C16orf86: variants seen among roughly 807,000 people sequenced by gnomAD.
C16orf86 encodes the protein chromosome 16 open reading frame 86.
Under a neutral mutation model 21.5 loss-of-function variants are expected in C16orf86, and 19 were observed. That is an observed-to-expected ratio of 0.88 (90% CI 0.62 to 1.30). The LOEUF is 1.30. Ranked by LOEUF, C16orf86 falls within the 50% of genes most tolerant of loss-of-function variation. The pLI, the probability that C16orf86 is intolerant of heterozygous loss-of-function variation, is 0.00. For missense variants in C16orf86, 391 were observed against 415.8 expected (o/e 0.94, Z 0.52); for synonymous variants, 188 against 183.5 (o/e 1.02, Z -0.20).
intron 1 of C16orf86, 60 bp downstream of exon 1, chr16:67,667,132 T>G: frequency 6.9e-7 from 1 of 1,444,626 alleles, no homozygotes; most frequent in Non-Finnish European, 9.3e-7. Context: ...GAGGTGGAAC[T>G]GAGCGCCCCG....
Position 67,668,617 on chromosome 16 carries a change from G to C in C16orf86, c.*17G>C. The C allele has an allele frequency of 6.2e-7, 1 of 1,611,858 alleles. No individual in the cohort carries two copies. Among genetic ancestry groups the C allele is most frequent in the Non-Finnish European group, 8.5e-7 (1 of 1,178,806 alleles). The stretch of plus-strand genomic sequence containing the variant: ...TACAAGTGACTGTCCCGCCCCACTG[G>C]TGGCTCCCCTCCTTCCACGCCTGAA... On this transcript the variant is annotated 3_prime_UTR_variant, in exon 4 of 4. Coordinates refer to ENST00000403458, the MANE Select transcript of C16orf86 (RefSeq NM_001012984.3).
chr16:67,668,150 C>A, intron 3 of C16orf86, 50 bp from the exon 4 acceptor site: 2 of 1,592,840 alleles, frequency 1.3e-6, no homozygotes, highest in African/African-American at 1.3e-5. Context: ...TGGGGCCCGA[C>A]ATGGCACAAC....
At position 67,667,046 on chromosome 16, in the gene C16orf86, G is replaced by T; in HGVS notation, c.76G>T (p.Glu26Ter). Residue 26 changes from glutamate (E) to a stop codon, truncating the protein, a stop_gained, in exon 1 of 4, where the codon GAG becomes TAG. Coordinates refer to ENST00000403458, the MANE Select transcript of C16orf86 (RefSeq NM_001012984.3). LOFTEE classifies it high-confidence loss of function. Reference protein sequence around the residue: ...TVVGQGQLTEEPGSAQTSECP... With the variant: ...TVVGQGQLTE ...CGTGGGGCAGGGACAGCTCACGGAG[G>T]AGCCCGGCAGCGCTCAGACCTCCGA... The T allele has an allele frequency of 6.9e-7, 1 of 1,453,372 alleles. No individual in the cohort carries two copies. The highest frequency in any genetic ancestry group is 2.5e-5 in the East Asian group (1 of 40,608). The allele number at this position is 1,453,372 out of a possible 1,614,324, so 90.0% of individuals were successfully genotyped here. A position where few individuals can be genotyped will look rare whatever the true frequency, so the allele number is the denominator to read the frequency against.
rs758726932 is a variant in C16orf86, at chr16:67,668,618, T to A, written c.*18T>A. 4 of 1,611,782 alleles carry A rather than the reference T, an allele frequency of 2.5e-6. No homozygotes were observed. Among genetic ancestry groups the A allele is most frequent in the Non-Finnish European group, 2.5e-6 (3 of 1,178,744 alleles). On this transcript the variant is annotated 3_prime_UTR_variant, in exon 4 of 4. Transcript: ENST00000403458. ...ACAAGTGACTGTCCCGCCCCACTGG[T>A]GGCTCCCCTCCTTCCACGCCTGAAT... is the stretch of plus-strand genomic sequence containing the variant.
chr16:67,668,673 C>A lies in C16orf86; in HGVS notation c.*73C>A. On this transcript the variant is annotated 3_prime_UTR_variant, in exon 4 of 4. Transcript: ENST00000403458. ...CTTCAGGCTTCCTGTGGGCCTAGGC[C>A]CTCTGGTGGCGGGGGCAAATTTGGC... 6.9e-7 allele frequency: 1 copy of A among 1,447,260 alleles called. No individual in the cohort carries two copies. The highest frequency in any genetic ancestry group is 2.3e-5 in the East Asian group (1 of 42,970). The allele number at this position is 1,447,260 out of a possible 1,614,324, so 89.7% of individuals were successfully genotyped here.
intron 1 of C16orf86, 39 bp from the exon 2 acceptor site, chr16:67,667,257 C>T (rs1263385247): frequency 1.3e-6 from 2 of 1,585,580 alleles, no homozygotes; most frequent in East Asian, 2.2e-5. Flanking sequence ...ATGTCCTTTG[C>T]CCGGCCATGG....
chr16:67,668,272 AGGG>A lies in C16orf86; in HGVS notation c.629_631del (p.Gly210del). On this transcript the variant is annotated inframe_deletion, in exon 4 of 4. Transcript: ENST00000403458. ...AACCCTGAGCTGAACCAGGCAGGGA[AGGG>A]GGACGGGGAGGCTGAGGTGGAGGCA... 1.9e-6 allele frequency: 3 copies of A among 1,609,792 alleles called. No homozygotes were observed. Among genetic ancestry groups the A allele is most frequent in the Non-Finnish European group, 2.5e-6 (3 of 1,178,366 alleles).
At position 67,668,654 on chromosome 16, in the gene C16orf86, G is replaced by C; in HGVS notation, c.*54G>C. On this transcript the variant is annotated 3_prime_UTR_variant, in exon 4 of 4. Coordinates refer to ENST00000403458, the MANE Select transcript of C16orf86 (RefSeq NM_001012984.3). ...CTTCCACGCCTGAATTTGGCTTCAG[G>C]CTTCCTGTGGGCCTAGGCCCTCTGG... The C allele has an allele frequency of 1.3e-6, 2 of 1,571,634 alleles. No homozygotes were observed. Among genetic ancestry groups the C allele is most frequent in the Non-Finnish European group, 1.7e-6 (2 of 1,145,766 alleles).
In C16orf86 at chr16:67,667,968, C is replaced by T; in HGVS notation, c.423C>T (p.Asp141=). The change falls in exon 3 of 4, where the codon GAC becomes GAT. Residue 141 remains aspartate, a synonymous_variant. Coordinates refer to ENST00000403458, the MANE Select transcript of C16orf86 (RefSeq NM_001012984.3). ...KLPLQEEEPE[D]SQSEPSPSAK... Reference sequence around the variant, plus strand: ...CGCTGCAGGAGGAGGAGCCAGAGGACAGCCAGAGTGAGCCCTCACCATCTG... The same window carrying T: ...CGCTGCAGGAGGAGGAGCCAGAGGATAGCCAGAGTGAGCCCTCACCATCTG... 6.2e-7 allele frequency: 1 copy of T among 1,613,472 alleles called. No individual in the cohort carries two copies. The highest frequency in any genetic ancestry group is 8.5e-7 in the Non-Finnish European group (1 of 1,179,856).
At chr16:67,667,586 G>C (rs866703619) in intron 2 of C16orf86, 61 bp downstream of exon 2, 2 of 1,554,178 alleles carry the variant, frequency 1.3e-6, no homozygotes, top group South Asian at 1.2e-5. Flanking sequence ...CACCACAGTA[G>C]GATTCCTAAA....
chr16:67,667,901 G>A lies in C16orf86; in HGVS notation c.356G>A (p.Arg119His). The A allele has an allele frequency of 3.1e-6, 5 of 1,606,590 alleles. No individual in the cohort carries two copies. The highest frequency in any genetic ancestry group is 3.4e-6 in the Non-Finnish European group (4 of 1,176,832). Reference sequence around the variant, plus strand: ...AGGTCTCTCAGCCTCCCGGGCCTTCGTGCCCATCTTAAGGCTGAAGCTGAG... The same window carrying A: ...AGGTCTCTCAGCCTCCCGGGCCTTCATGCCCATCTTAAGGCTGAAGCTGAG... Reference protein sequence around the residue: ...PVKSLSLPGLRAHLKAEAELP... With the variant: ...PVKSLSLPGLHAHLKAEAELP... Residue 119 changes from arginine to histidine, a missense_variant, in exon 3 of 4, where the codon CGT becomes CAT. Coordinates refer to ENST00000403458, the MANE Select transcript of C16orf86 (RefSeq NM_001012984.3).
chr16:67,667,775 C>G, intron 2 of C16orf86, 103 bp from the exon 3 acceptor site: 2 of 1,518,322 alleles, frequency 1.3e-6, no homozygotes, highest in Non-Finnish European at 1.8e-6. Context: ...AGGAACGGGA[C>G]AGGCGTCGAG....
In C16orf86 at chr16:67,668,206, C is replaced by T; in HGVS notation, c.560C>T (p.Ala187Val). Reference sequence around the variant, plus strand: ...CTGCCCTGGGTCTTTGCAGGAAAGGCCCAGCGCCTGCGGCCGCTGTACCAG... The same window carrying T: ...CTGCCCTGGGTCTTTGCAGGAAAGGTCCAGCGCCTGCGGCCGCTGTACCAG... ...PLETLRLERK[A>V]QRLRPLYQYV... The change falls in exon 4 of 4, where the codon GCC becomes GTC. Residue 187 changes from alanine to valine, a missense_variant. Physicochemically the swap from Ala to Val is moderately conservative, Grantham distance 64 (BLOSUM62 0). Coordinates refer to ENST00000403458, the MANE Select transcript of C16orf86 (RefSeq NM_001012984.3). 1 of 1,576,204 alleles carries T rather than the reference C, an allele frequency of 6.3e-7. No homozygotes were observed. The highest frequency in any genetic ancestry group is 1.2e-5 in the South Asian group (1 of 85,374).
In C16orf86 at chr16:67,667,954, G is replaced by T; in HGVS notation, c.409G>T (p.Glu137Ter). 6.2e-7 allele frequency: 1 copy of T among 1,613,364 alleles called. No individual in the cohort carries two copies. Among genetic ancestry groups the T allele is most frequent in the East Asian group, 2.2e-5 (1 of 44,890 alleles). Reference protein sequence around the residue: ...ELPPKLPLQEEEPEDSQSEPS... With the variant: ...ELPPKLPLQE ...GCCACCCAAGCTGCCGCTGCAGGAG[G>T]AGGAGCCAGAGGACAGCCAGAGTGA... is the stretch of plus-strand genomic sequence containing the variant. The change falls in exon 3 of 4, where the codon GAG becomes TAG. Residue 137 changes from glutamate (E) to a stop codon, truncating the protein, a stop_gained. Coordinates refer to ENST00000403458, the MANE Select transcript of C16orf86 (RefSeq NM_001012984.3). LOFTEE classifies it high-confidence loss of function.
Position 67,668,018 on chromosome 16 carries a change from A to AGC in C16orf86, c.476_477dup (p.Lys160AlafsTer20). The stretch of plus-strand genomic sequence containing the variant: ...GCCAAACAGCACAAAAAAGCCAAGA[A>AGC]GCGCAAGAGCCTGGGGGCTCCCGTG... On this transcript the variant is annotated frameshift_variant, in exon 3 of 4. Transcript: ENST00000403458. LOFTEE classifies it high-confidence loss of function. 6.2e-7 allele frequency: 1 copy of AGC among 1,613,540 alleles called. No homozygotes were observed. Among genetic ancestry groups the AGC allele is most frequent in the African/African-American group, 1.3e-5 (1 of 75,076 alleles).
Position 67,667,504 on chromosome 16 carries a change from G to A in C16orf86, c.311G>A (p.Gly104Asp). 6.2e-7 allele frequency: 1 copy of A among 1,606,882 alleles called. No individual in the cohort carries two copies. Among genetic ancestry groups the A allele is most frequent in the South Asian group, 1.1e-5 (1 of 90,378 alleles). Residue 104 changes from glycine to aspartate, a missense_variant, in exon 2 of 4, where the codon GGT becomes GAT. Physicochemically the swap from Gly to Asp is moderately conservative, Grantham distance 94. Coordinates refer to ENST00000403458, the MANE Select transcript of C16orf86 (RefSeq NM_001012984.3). ...GTCTCCATTGTGAGGCCCCGTCATG[G>A]TCCAAAGAGAAAGCCTGTCAAGTGA... ...PVVSIVRPRH[G>D]PKRKPVKSLS... is the part of the protein sequence containing the mutation.
chr16:67,667,239 G>T, intron 1 of C16orf86, 57 bp from the exon 2 acceptor site: 1 of 1,543,364 alleles, frequency 6.5e-7, no homozygotes, highest in South Asian at 1.1e-5. Context: ...GTTCAGTGAC[G>T]GATCCCTATG....
Position 67,666,985 on chromosome 16 carries a change from G to A in C16orf86, c.15G>A (p.Gly5=). ...CCTGCGCAGCCATGGCCTCGGCAGG[G>A]GCGGAGAGGCGGCCGGGGGTCCAGG... MASA[G]AERRPGVQEA... The change falls in exon 1 of 4, where the codon GGG becomes GGA. Residue 5 remains glycine, a synonymous_variant. Coordinates refer to ENST00000403458, the MANE Select transcript of C16orf86 (RefSeq NM_001012984.3). 1 of 1,452,376 alleles carries A rather than the reference G, an allele frequency of 6.9e-7. No individual in the cohort carries two copies. The highest frequency in any genetic ancestry group is 1.4e-5 in the African/African-American group (1 of 70,190). The allele number at this position is 1,452,376 out of a possible 1,614,324, so 90.0% of individuals were successfully genotyped here.
chr16:67,667,439 G>C lies in C16orf86; in HGVS notation c.246G>C (p.Pro82=), dbSNP rs2053119003. The change falls in exon 2 of 4, where the codon CCG becomes CCC. Residue 82 remains proline (P), a synonymous_variant. Coordinates refer to ENST00000403458, the MANE Select transcript of C16orf86 (RefSeq NM_001012984.3). The stretch of plus-strand genomic sequence containing the variant: ...AGCTGGGGGAGGAGCGGCCCAAGCC[G>C]CATGCCGGGGCGCTAGAGGAGAGAG... The part of the protein sequence containing the change: ...GPKLGEERPK[P]HAGALEERGP... The C allele has an allele frequency of 6.2e-7, 1 of 1,611,738 alleles. No individual in the cohort carries two copies. Among genetic ancestry groups the C allele is most frequent in the Middle Eastern group, 1.7e-4 (1 of 6,046 alleles).
Sources: gnomAD v4.1 joint callset for allele counts on GRCh38, gnomAD v4.1.1 for gene constraint, MANE v1.5 for transcripts, NCBI Gene and HGNC (gene_info 2026-07-23, HGNC 2026-07-21) for gene names.